Variants in IL12RB1 observed in about 807,000 individuals in gnomAD.
IL12RB1 encodes interleukin-12 receptor subunit beta-1.
IL12RB1 carries 64 observed loss-of-function variants against 94.4 expected under a neutral mutation model. The ratio of observed to expected loss-of-function variants is 0.68; its 90% CI spans 0.55 to 0.83. The LOEUF is 0.83. Ranked by LOEUF, IL12RB1 falls within the 40% of genes least tolerant of loss-of-function variation. The pLI, the probability that IL12RB1 is intolerant of heterozygous loss-of-function variation, is 0.00. For synonymous variants in IL12RB1, 362 were observed against 355.5 expected (o/e 1.02, Z -0.21); for missense variants, 814 against 855.6 (o/e 0.95, Z 0.61).
At chr19:18,083,104 A>G (rs948257546) in intron 2 of IL12RB1, 4 of 470,736 alleles carry the variant, frequency 8.5e-6, no homozygotes, top group South Asian at 6.5e-5. Flanking sequence ...AATGAAATAA[A>G]TGTTCTAATA....
intron 1 of IL12RB1, among the ~76,000 whole-genome samples, chr19:18,094,167 C>G (rs989395574): frequency 4.6e-5 from 7 of 152,322 alleles, no homozygotes; most frequent in Admixed American, 2.0e-4. Flanking sequence ...CTCGCTCTGT[C>G]ACCCAGGCTG....
chr19:18,072,390 C>T (rs918274182), intron 8 of IL12RB1, 41 bp from the exon 9 acceptor site: 11 of 1,289,778 alleles, frequency 8.5e-6, no homozygotes, highest in Non-Finnish European at 1.2e-5. Flanking sequence ...TACCTGATCA[C>T]ACTCATCATC....
intron 12 of IL12RB1, 123 bp from the exon 13 acceptor site, chr19:18,064,133 T>TA: frequency 1.8e-5 from 10 of 550,152 alleles, no homozygotes; most frequent in East Asian, 2.9e-5. Flanking sequence ...CTCTACTCTT[T>TA]CTTTCTTTTT....
intron 4 of IL12RB1, among the ~76,000 whole-genome samples, chr19:18,078,564 G>A (rs2035650946): frequency 6.6e-6 from 1 of 151,562 alleles, no homozygotes; most frequent in African/African-American, 2.4e-5. Context: ...TTGCCAGAGG[G>A]TAATCAATTC....
intron 2 of IL12RB1, among the ~76,000 whole-genome samples, chr19:18,082,908 C>A (rs1045288273): frequency 2.0e-5 from 3 of 151,996 alleles, no homozygotes; most frequent in Non-Finnish European, 4.4e-5. Flanking sequence ...CATGGTGAAA[C>A]CTGGTCTCTA....
At chr19:18,081,590 G>C (rs534135553) in intron 3 of IL12RB1, among the ~76,000 whole-genome samples, 2 of 151,680 alleles carry the variant, frequency 1.3e-5, no homozygotes, top group South Asian at 2.1e-4. Flanking sequence ...GAGGCCAAGG[G>C]GGGGTGGATC....
intron 7 of IL12RB1, among the ~76,000 whole-genome samples, chr19:18,074,931 A>G (rs2035339294): frequency 1.3e-5 from 2 of 151,780 alleles, no homozygotes; most frequent in South Asian, 4.2e-4. Flanking sequence ...AGACACCTGT[A>G]GTCCCAGCTA....
rs147215816 is a variant in IL12RB1 at position 18,080,970 on chromosome 19, C to A, written c.271G>T (p.Ala91Ser). ...LSSGRCCYFA[A>S]GSATRLQFSD... Reference sequence around the variant, plus strand: ...AACTGCAGCCTGGTGGCTGAGCCGGCGGCGAAGTAGCAGCAGCGCCCGGAG... The same window carrying A: ...AACTGCAGCCTGGTGGCTGAGCCGGAGGCGAAGTAGCAGCAGCGCCCGGAG... Residue 91 changes from alanine (A) to serine (S), a missense_variant, in exon 4 of 17, where the codon GCC becomes TCC. Physicochemically the swap from Ala to Ser is moderately conservative, Grantham distance 99 (BLOSUM62 1). Coordinates refer to ENST00000593993, the MANE Select transcript of IL12RB1 (RefSeq NM_005535.3). The A allele has an allele frequency of 6.2e-7, 1 of 1,613,386 alleles. No individual in the cohort carries two copies. The highest frequency in any genetic ancestry group is 1.1e-5 in the South Asian group (1 of 91,050).
chr19:18,064,134 CTTTCTTTTTTTT>C (rs1568488081), intron 12 of IL12RB1, 124 bp from the exon 13 acceptor site: 41 of 423,178 alleles, frequency 9.7e-5, no homozygotes, highest in Non-Finnish European at 5.6e-5. Context: ...TCTACTCTTT[CTTTCTTTTTTTT>C]TTTTTTTTTT....
chr19:18,063,974 A>C lies in IL12RB1; in HGVS notation c.1520T>G (p.Leu507Arg). 1 of 1,611,730 alleles carries C rather than the reference A, an allele frequency of 6.2e-7. No homozygotes were observed. Among genetic ancestry groups the C allele is most frequent in the Non-Finnish European group, 8.5e-7 (1 of 1,178,170 alleles). The change falls in exon 13 of 17, where the codon CTC becomes CGC. Residue 507 changes from leucine to arginine, a missense_variant. Coordinates refer to ENST00000593993, the MANE Select transcript of IL12RB1 (RefSeq NM_005535.3). The part of the protein sequence containing the change: ...PVQPTETQVT[L>R]SGLRAGVAYT... ...GGCTACACCAGCCCGCAGGCCACTG[A>C]GGGTAACTTGGGTCTCTGTGGGCTG...
Position 18,068,508 on chromosome 19 carries a change from C to T in IL12RB1, c.1208G>A (p.Arg403Gln), listed in dbSNP as rs202048215. 80 of 1,612,684 alleles carry T rather than the reference C, an allele frequency of 5.0e-5. No homozygotes were observed. Among genetic ancestry groups the T allele is most frequent in the Admixed American group, 2.0e-4 (12 of 59,930 alleles). The stretch of plus-strand genomic sequence containing the variant: ...TTCCTGCCCCATTGCCCCAGACTCT[C>T]GACTCCAGCTGTAGGTTGCTGGAAG... ...PAGMATYSWS[R>Q]ESGAMGQEKC... Residue 403 changes from arginine to glutamine, a missense_variant, in exon 11 of 17, where the codon CGA (arginine) becomes CAA (glutamine). Arg to Gln is a conservative substitution (Grantham distance 43). Transcript: ENST00000593993.
chr19:18,070,852 G>A (rs2034977500), intron 9 of IL12RB1: 2 of 153,126 alleles, frequency 1.3e-5, no homozygotes, highest in African/African-American at 4.8e-5. Flanking sequence ...GGCTGAGGTG[G>A]AAGGATCACT....
chr19:18,072,166 G>T lies in IL12RB1; in HGVS notation c.967C>A (p.Gln323Lys), dbSNP rs1319917536. Reference sequence around the variant, plus strand: ...GTCTGGTTCAGGCCAGGACCAAATTGGTTCGAGGAGATGACAGCCACGTTG... The same window carrying T: ...GTCTGGTTCAGGCCAGGACCAAATTTGTTCGAGGAGATGACAGCCACGTTG... ...AYNVAVISSNQFGPGLNQTWH... is the reference protein window; with the variant it reads ...AYNVAVISSNKFGPGLNQTWH... The change falls in exon 9 of 17, where the codon CAA becomes AAA. Residue 323 changes from glutamine (Q) to lysine (K), a missense_variant. By Grantham distance (53) the Gln-to-Lys change is moderately conservative. Coordinates refer to ENST00000593993, the MANE Select transcript of IL12RB1 (RefSeq NM_005535.3). 6.2e-7 allele frequency: 1 copy of T among 1,614,164 alleles called. No individual in the cohort carries two copies. Among genetic ancestry groups the T allele is most frequent in the South Asian group, 1.1e-5 (1 of 91,070 alleles).
chr19:18,082,375 C>G lies in IL12RB1; in HGVS notation c.125-111G>C, dbSNP rs1599556168. On this transcript the variant is annotated intron_variant, in intron 2 of 16. Transcript: ENST00000593993. ...TTTCAGCGTCACCTCAGCCTAAACC[C>G]TCCCCGCGTCCTTCCTACCTCATCC... 4.2e-6 allele frequency: 3 copies of G among 719,822 alleles called. No individual in the cohort carries two copies. The East Asian group carries it at 8.1e-5, about 20-fold the overall frequency. 44.6% of individuals were successfully genotyped at this position (719,822 alleles called of 1,614,324 possible). A position where few individuals can be genotyped will look rare whatever the true frequency, so the allele number is the denominator to read the frequency against.
intron 15 of IL12RB1, 26 bp from the exon 16 acceptor site, chr19:18,060,111 CTG>C: frequency 7.3e-7 from 1 of 1,362,492 alleles, no homozygotes. Context: ...AGGGCCACAG[CTG>C]TGAGCAGAGC....
At chr19:18,091,750 T>C (rs148180942), upstream of IL12RB1, among the ~76,000 whole-genome samples, 158 of 152,176 alleles carry the variant, frequency 1.0e-3, 1 homozygote, top group East Asian at 0.028. Flanking sequence ...CAGGCTGGAG[T>C]GCAGTGACAC....
intron 13 of IL12RB1, among the ~76,000 whole-genome samples, chr19:18,063,566 G>T (rs187144088): frequency 1.3e-5 from 2 of 152,296 alleles, no homozygotes; most frequent in East Asian, 3.9e-4. Flanking sequence ...TGGCCAGAAG[G>T]AGGCAGAGAA....
rs1443851329 is a variant in IL12RB1, at chr19:18,059,766, A to G, written c.1983+128T>C. ...TAGTCGCTCTTCGTGTCTGTAAGAC[A>G]AAGTGGATGTTTTCGTTTCTCCCTC... On this transcript the variant is annotated intron_variant, in intron 16 of 16. Transcript: ENST00000593993. 3 of 729,494 alleles carry G rather than the reference A, an allele frequency of 4.1e-6. No individual in the cohort carries two copies. The African/African-American group carries it at 5.2e-5, about 13-fold the overall frequency. 45.2% of individuals were successfully genotyped at this position (729,494 alleles called of 1,614,324 possible).
At chr19:18,065,156 TTCTG>T (rs1568489315) in intron 12 of IL12RB1, among the ~76,000 whole-genome samples, 1 of 152,290 alleles carries the variant, frequency 6.6e-6, no homozygotes, top group Non-Finnish European at 1.5e-5. Context: ...CAGTAAAAGT[TTCTG>T]TCTAACACCA....
Sources: gnomAD v4.1 joint callset for allele counts (sites outside exome capture counted in the v4.1 genomes callset) on GRCh38, gnomAD v4.1.1 for gene constraint, MANE v1.5 for transcripts, NCBI Gene and HGNC (gene_info 2026-07-23, HGNC 2026-07-21) for gene names.